The following RAB37 variants were observed in gnomAD, a reference collection of about 807,000 sequenced individuals.
The protein encoded by RAB37 is ras-related protein Rab-37.
RAB37 carries 29 observed loss-of-function variants against 33.1 expected under a neutral mutation model. That is an observed-to-expected ratio of 0.88 (90% CI 0.65 to 1.20). The LOEUF is 1.20. RAB37 is among the 50% of genes most tolerant of loss of function. The pLI is 0.00. For synonymous variants in RAB37, 128 were observed against 119.5 expected (o/e 1.07, Z -0.47); for missense variants, 299 against 301.1 (o/e 0.99, Z 0.05).
chr17:74,740,293 TG>T (rs529587546), intron 1 of RAB37, among the ~76,000 whole-genome samples: 126 of 152,204 alleles, frequency 8.3e-4, no homozygotes, highest in Middle Eastern at 3.4e-3. Context: ...TAGACTCCCT[TG>T]GGTGGGAATC....
intron 1 of RAB37, among the ~76,000 whole-genome samples, chr17:74,701,778 A>C (rs1354619615): frequency 6.7e-6 from 1 of 148,838 alleles, no homozygotes; most frequent in Non-Finnish European, 1.5e-5. Flanking sequence ...TGAACCTGGG[A>C]GGTGGAAGTT....
At chr17:74,680,583 G>A (rs931053051) in intron 1 of RAB37, among the ~76,000 whole-genome samples, 1 of 152,042 alleles carries the variant, frequency 6.6e-6, no homozygotes, top group Non-Finnish European at 1.5e-5. Context: ...CTCAATCTAC[G>A]ACCCCACTGG....
In RAB37 at chr17:74,745,635, A is replaced by G; in HGVS notation, c.*224A>G. 1 of 494,128 alleles carries G rather than the reference A, an allele frequency of 2.0e-6. No homozygotes were observed. Among genetic ancestry groups the G allele is most frequent in the Non-Finnish European group, 3.6e-6 (1 of 279,536 alleles). The allele number at this position is 494,128 out of a possible 1,614,324, so 30.6% of individuals were successfully genotyped here. A position where few individuals can be genotyped will look rare whatever the true frequency, so the allele number is the denominator to read the frequency against. On this transcript the variant is annotated 3_prime_UTR_variant, in exon 9 of 9. Transcript: ENST00000392613. This position sits in a 1 kb window ranked among gnomAD's most constrained non-coding sequence, Gnocchi z 4.5. ...CACTTAGCTTTTATTTTAATAGTAC[A>G]TAATTTAATACCAAAAAAGGCGCCT...
At chr17:74,722,659 C>T (rs762729303) in intron 1 of RAB37, among the ~76,000 whole-genome samples, 1 of 152,132 alleles carries the variant, frequency 6.6e-6, no homozygotes, top group Non-Finnish European at 1.5e-5. Flanking sequence ...ATATATCAAC[C>T]TATTCACATC....
chr17:74,711,892 C>T (rs1444529835), intron 1 of RAB37, among the ~76,000 whole-genome samples: 6 of 145,582 alleles, frequency 4.1e-5, no homozygotes, highest in Non-Finnish European at 3.0e-5. Flanking sequence ...CTTTTTTTTT[C>T]TTTTTTCTTT....
chr17:74,705,169 G>C (rs1245954282), intron 1 of RAB37: 1 of 693,566 alleles, frequency 1.4e-6, no homozygotes, highest in Non-Finnish European at 2.7e-6. Context: ...TGGTGGGGAG[G>C]AAATACCAGG....
intron 1 of RAB37, among the ~76,000 whole-genome samples, chr17:74,713,576 G>A (rs2034098936): frequency 6.6e-6 from 1 of 152,036 alleles, no homozygotes; most frequent in Non-Finnish European, 1.5e-5. Context: ...TCCACCAGAG[G>A]GGTCCTGGAG....
intron 1 of RAB37, among the ~76,000 whole-genome samples, chr17:74,674,539 G>A (rs954025696): frequency 3.9e-5 from 6 of 152,038 alleles, no homozygotes; most frequent in Admixed American, 6.5e-5. Flanking sequence ...TCAGCTAGGC[G>A]TGGTAACACA....
intron 1 of RAB37, among the ~76,000 whole-genome samples, chr17:74,728,745 T>C (rs1395017439): frequency 1.2e-4 from 18 of 152,070 alleles, no homozygotes; most frequent in East Asian, 1.9e-4. Flanking sequence ...CATGTGTTTT[T>C]CTGTGTCTGT....
At chr17:74,689,620 T>TA (rs2032122640) in intron 1 of RAB37, among the ~76,000 whole-genome samples, 1 of 151,954 alleles carries the variant, frequency 6.6e-6, no homozygotes, top group Non-Finnish European at 1.5e-5. Context: ...ACTGAAAAGC[T>TA]AAAAAAAATG....
intron 1 of RAB37, among the ~76,000 whole-genome samples, chr17:74,700,989 G>A (rs1471111310): frequency 6.6e-6 from 1 of 152,074 alleles, no homozygotes; most frequent in African/African-American, 2.4e-5. Context: ...GCAGAGGGAC[G>A]ACCACGTGAA....
chr17:74,695,773 C>T (rs752622847), intron 1 of RAB37: 1 of 1,614,176 alleles, frequency 6.2e-7, no homozygotes, highest in Non-Finnish European at 8.5e-7. Flanking sequence ...CAGAGGAAAG[C>T]TTCGTGGTAG....
chr17:74,735,703 G>T (rs895878300), upstream of RAB37, among the ~76,000 whole-genome samples: 1 of 152,170 alleles, frequency 6.6e-6, no homozygotes, highest in African/African-American at 2.4e-5. Flanking sequence ...GTTATAGCAC[G>T]CTCACCTCCA....
At chr17:74,725,155 A>G (rs370689911) in intron 1 of RAB37, among the ~76,000 whole-genome samples, 1 of 152,220 alleles carries the variant, frequency 6.6e-6, no homozygotes, top group Middle Eastern at 3.2e-3. Context: ...GTTCCACACT[A>G]AAATGTGGCA....
Position 74,730,099 on chromosome 17 carries a change from G to A in RAB37, c.183+733G>A, listed in dbSNP as rs764713636. Among the ~76,000 whole-genome samples the A allele has an allele frequency of 3.9e-5, 6 of 152,150 alleles. No homozygotes were observed. The highest frequency in any genetic ancestry group is 7.3e-5 in the Non-Finnish European group (5 of 68,030). Reference sequence around the variant, plus strand: ...ACATCCCATCTCCCCGCGTTGTCCCGTGCCTGCGGCTGCAGCTGCCCTTGA... The same window carrying A: ...ACATCCCATCTCCCCGCGTTGTCCCATGCCTGCGGCTGCAGCTGCCCTTGA... On this transcript the variant is annotated intron_variant, in intron 2 of 7. Coordinates refer to the RAB37 transcript ENST00000340415. This position sits in a 1 kb window ranked among gnomAD's most constrained non-coding sequence, Gnocchi z 4.4.
At chr17:74,723,575 CTT>C (rs35936012) in intron 1 of RAB37, among the ~76,000 whole-genome samples, 86 of 133,174 alleles carry the variant, frequency 6.5e-4, no homozygotes, top group African/African-American at 2.0e-3. Context: ...AATTAACTAA[CTT>C]TTTTTTTTTT....
intron 1 of RAB37, among the ~76,000 whole-genome samples, chr17:74,720,242 T>C (rs1567807068): frequency 6.6e-6 from 1 of 151,798 alleles, no homozygotes. Context: ...CTGGGACGAG[T>C]ACTTTTGGGC....
intron 1 of RAB37, chr17:74,712,750 C>G (rs750346658): frequency 3.5e-5 from 53 of 1,515,748 alleles, no homozygotes; most frequent in Non-Finnish European, 4.7e-5. Context: ...CTGGCCGGGT[C>G]CCTTCTTCCC....
In RAB37 at chr17:74,671,940, GC is replaced by G. The variant is rs2031716240; in HGVS notation, c.72+286del. Among the ~76,000 whole-genome samples, 1 of 151,988 alleles carries G rather than the reference GC, an allele frequency of 6.6e-6. No individual in the cohort carries two copies. Among genetic ancestry groups the G allele is most frequent in the African/African-American group, 2.4e-5 (1 of 41,362 alleles). On this transcript the variant is annotated intron_variant, in intron 1 of 7. Transcript: ENST00000340415. The surrounding 1 kb of genome is among the most constrained non-coding windows in gnomAD (Gnocchi z 5.0). ...CCCCTCCTTCTCCTTGCCTATTTAT[GC>G]CCCTGGGTGACCCCTGGCACCTTGC...
Sources: allele counts gnomAD v4.1 joint callset (sites outside exome capture counted in the v4.1 genomes callset), GRCh38; gene constraint gnomAD v4.1.1; non-coding constraint Gnocchi (gnomAD v3.1); transcripts MANE v1.5; gene names NCBI Gene and HGNC (gene_info 2026-07-23, HGNC 2026-07-21).